KCNIP1: variants seen among roughly 807,000 people sequenced by gnomAD.
The protein encoded by KCNIP1 is potassium voltage-gated channel interacting protein 1, also known as A-type potassium channel modulatory protein KCNIP1.
KCNIP1 carries 18 observed loss-of-function variants against 33.0 expected under a neutral mutation model. That is an observed-to-expected ratio of 0.55 (90% CI 0.38 to 0.81). The LOEUF is 0.81. Ranked by LOEUF, KCNIP1 falls within the 30% of genes least tolerant of loss-of-function variation. KCNIP1 has a pLI of 0.00. For missense variants in KCNIP1, 238 were observed against 271.6 expected (o/e 0.88, Z 0.87); for synonymous variants, 93 against 98.3 (o/e 0.95, Z 0.32).
At chr5:170,387,713 A>G (rs921403478) in intron 1 of KCNIP1, among the ~76,000 whole-genome samples, 2 of 152,188 alleles carry the variant, frequency 1.3e-5, no homozygotes, top group African/African-American at 4.8e-5. Context: ...TCTTGTGGGA[A>G]TGGGAGAGCC....
intron 1 of KCNIP1, among the ~76,000 whole-genome samples, chr5:170,655,008 T>C (rs1021926888): frequency 1.3e-5 from 2 of 152,142 alleles, no homozygotes; most frequent in African/African-American, 2.4e-5. Context: ...TTACCACTTA[T>C]AAAAATAAGG....
chr5:170,473,753 T>G (rs1756788253), intron 1 of KCNIP1, among the ~76,000 whole-genome samples: 1 of 152,160 alleles, frequency 6.6e-6, no homozygotes, highest in Non-Finnish European at 1.5e-5. Flanking sequence ...TCGACTGCAC[T>G]TCCTTGATAA....
chr5:170,441,973 AAAG>A (rs1440507520), intron 1 of KCNIP1, among the ~76,000 whole-genome samples: 6 of 150,144 alleles, frequency 4.0e-5, no homozygotes, highest in African/African-American at 1.5e-4. Flanking sequence ...AAAAAAAAAA[AAAG>A]AATGAACAAC....
intron 1 of KCNIP1, among the ~76,000 whole-genome samples, chr5:170,578,237 T>C (rs1482558657): frequency 6.6e-6 from 1 of 152,036 alleles, no homozygotes; most frequent in Non-Finnish European, 1.5e-5. Flanking sequence ...CTGAGGAGAC[T>C]GAGAACAGTG....
intron 1 of KCNIP1, among the ~76,000 whole-genome samples, chr5:170,534,760 G>T (rs980938107): frequency 2.6e-5 from 4 of 151,796 alleles, no homozygotes; most frequent in South Asian, 2.1e-4. Context: ...GGGCTCAAGT[G>T]ATCCTCCCAC....
In KCNIP1 at chr5:170,465,666, G is replaced by C. The variant is rs142864603; in HGVS notation, c.88+111702G>C. On this transcript the variant is annotated intron_variant, in intron 1 of 7. Coordinates refer to the KCNIP1 transcript ENST00000377360. ...AGAGAGACAGAAAGAGAGAGAGAGA[G>C]AGTGAGAGAGAAATACATGTATTCA... Among the ~76,000 whole-genome samples the C allele has an allele frequency of 5.1e-3, 783 of 152,296 alleles. 7 individuals carry two copies. Among genetic ancestry groups the C allele is most frequent in the Middle Eastern group, 0.014 (4 of 294 alleles).
At chr5:170,420,768 T>G (rs899845714) in intron 1 of KCNIP1, among the ~76,000 whole-genome samples, 2 of 152,120 alleles carry the variant, frequency 1.3e-5, no homozygotes, top group Admixed American at 6.5e-5. Context: ...CAAAATGTAA[T>G]CAATAGGAAA....
chr5:170,435,226 T>C (rs1035583465), intron 1 of KCNIP1, among the ~76,000 whole-genome samples: 2 of 152,230 alleles, frequency 1.3e-5, no homozygotes, highest in African/African-American at 4.8e-5. Flanking sequence ...GAAATTTTGC[T>C]ACAACGTGTA....
intron 1 of KCNIP1, among the ~76,000 whole-genome samples, chr5:170,598,904 C>CGTGTGTGTGTGTGTGTGTGTGTGTGT: frequency 7.5e-6 from 1 of 133,870 alleles, no homozygotes; most frequent in African/African-American, 2.9e-5. Context: ...TGTGTGTGCG[C>CGTGTGTGTGTGTGTGTGTGTGTGTGT]GTGTGTGTGT....
chr5:170,571,786 A>G (rs753996625), intron 1 of KCNIP1, among the ~76,000 whole-genome samples: 6 of 152,172 alleles, frequency 3.9e-5, no homozygotes, highest in Non-Finnish European at 5.9e-5. Flanking sequence ...GGCTCAGGGA[A>G]TAGGTCATTC....
intron 1 of KCNIP1, among the ~76,000 whole-genome samples, chr5:170,696,272 G>T (rs1398050507): frequency 1.3e-5 from 2 of 152,030 alleles, no homozygotes; most frequent in African/African-American, 4.8e-5. Context: ...TGTTTATTGT[G>T]TCATTCCTGC....
chr5:170,525,851 G>T (rs1755545269), intron 1 of KCNIP1, among the ~76,000 whole-genome samples: 1 of 152,234 alleles, frequency 6.6e-6, no homozygotes, highest in African/African-American at 2.4e-5. Flanking sequence ...GTTAGTTCGG[G>T]TCATGTTAGC....
chr5:170,503,165 G>A (rs1757450985), upstream of KCNIP1, among the ~76,000 whole-genome samples: 1 of 152,042 alleles, frequency 6.6e-6, no homozygotes, highest in Non-Finnish European at 1.5e-5. Flanking sequence ...CAAGGCGGGT[G>A]GATCACCTGA....
chr5:170,674,026 A>G (rs1003197601), intron 1 of KCNIP1, among the ~76,000 whole-genome samples: 1 of 152,216 alleles, frequency 6.6e-6, no homozygotes, highest in East Asian at 1.9e-4. Context: ...TCTCTGCACT[A>G]CTGACATCCT....
intron 1 of KCNIP1, among the ~76,000 whole-genome samples, chr5:170,431,867 G>A (rs1221471918): frequency 1.3e-5 from 2 of 152,202 alleles, no homozygotes; most frequent in Non-Finnish European, 2.9e-5. Context: ...ACTTCCTTCT[G>A]TCTCTGCCTC....
At position 170,412,757 on chromosome 5, in the gene KCNIP1, TC is replaced by T. The variant is rs373890748; in HGVS notation, c.88+58796del. 2.3e-4 allele frequency among the ~76,000 whole-genome samples: 35 copies of T among 152,208 alleles called. No homozygotes were observed. The East Asian group carries it at 3.3e-3, about 14-fold the overall frequency. ...ACCTCAGGGCCTCTGCACCAGATGT[TC>T]CCTCTGCCTGAAATGCTTTTCCCTG... On this transcript the variant is annotated intron_variant, in intron 1 of 7. Coordinates refer to the KCNIP1 transcript ENST00000377360.
In KCNIP1 at chr5:170,631,955, C is replaced by G. The variant is rs1760064438; in HGVS notation, c.62-86803C>G. On this transcript the variant is annotated intron_variant, in intron 1 of 7. Coordinates refer to ENST00000328939, the MANE Select transcript of KCNIP1 (RefSeq NM_014592.4). ...CTTCACAGGGACATTCCCAACTGGT[C>G]AGGGGTGGACCTCCCCTTCCCGGCT... 2.0e-5 allele frequency among the ~76,000 whole-genome samples: 3 copies of G among 152,354 alleles called. No homozygotes were observed. In the South Asian group the frequency reaches 6.2e-4, roughly 32 times the overall value.
intron 1 of KCNIP1, among the ~76,000 whole-genome samples, chr5:170,657,178 T>C (rs1228480389): frequency 6.6e-6 from 1 of 151,982 alleles, no homozygotes; most frequent in Non-Finnish European, 1.5e-5. Flanking sequence ...GTATTTTTAG[T>C]AGAGATGGGG....
intron 1 of KCNIP1, among the ~76,000 whole-genome samples, chr5:170,696,472 G>A (rs1762896952): frequency 6.6e-6 from 1 of 152,144 alleles, no homozygotes; most frequent in Non-Finnish European, 1.5e-5. Flanking sequence ...GAAGCTGCAG[G>A]GAGGGGTCTT....
Sources: allele counts gnomAD v4.1 joint callset (sites outside exome capture counted in the v4.1 genomes callset), GRCh38; gene constraint gnomAD v4.1.1; transcripts MANE v1.5; gene names NCBI Gene and HGNC (gene_info 2026-07-23, HGNC 2026-07-21).